The following HCK variants were observed in gnomAD, a reference collection of about 807,000 sequenced individuals.
HCK encodes the protein tyrosine-protein kinase HCK.
A neutral mutation model predicts 70.4 loss-of-function variants in HCK; 40 were observed. The ratio of observed to expected loss-of-function variants is 0.57; its 90% CI spans 0.44 to 0.74. The LOEUF (loss-of-function observed/expected upper bound fraction) is 0.74, where lower values mean the gene tolerates loss of function less well. Ranked by LOEUF, HCK falls within the 30% of genes least tolerant of loss-of-function variation. HCK has a pLI of 0.00. For missense variants in HCK, 568 were observed against 697.2 expected, an observed-to-expected ratio of 0.81 and a Z score of 2.09; for synonymous variants, 245 against 263.2, an observed-to-expected ratio of 0.93 and a Z score of 0.67.
intron 7 of HCK, 29 bp downstream of exon 7, chr20:32,084,072 C>T (rs242607): frequency 0.26 from 420,394 of 1,605,188 alleles, 57,772 homozygotes; most frequent in African/African-American, 0.34. Context: ...GTGACATCCC[C>T]ACCACGATGG....
intron 5 of HCK, among the ~76,000 whole-genome samples, chr20:32,074,976 C>T (rs527429600): frequency 2.0e-5 from 3 of 152,260 alleles, no homozygotes; most frequent in Admixed American, 6.5e-5. Flanking sequence ...ACTAGCAAAA[C>T]GACCTGGTTT....
intron 3 of HCK, 88 bp from the exon 4 acceptor site, chr20:32,073,628 G>C: frequency 1.2e-6 from 1 of 842,722 alleles, no homozygotes; most frequent in Non-Finnish European, 2.0e-6. Flanking sequence ...CGATGGGTGC[G>C]GAGCTGTTCC....
chr20:32,086,814 C>A lies in HCK; in HGVS notation c.1015+7C>A. On this transcript the variant is annotated splice_region_variant and intron_variant, in intron 9 of 12. Coordinates refer to ENST00000375852, the MANE Select transcript of HCK (RefSeq NM_002110.5). The stretch of plus-strand genomic sequence containing the variant: ...ACGGAGTTCATGGCCAAAGGTGCTG[C>A]GTGCTGGGGCTGGGGGTGCAGGCTG... The A allele has an allele frequency of 1.3e-6, 2 of 1,565,664 alleles. No individual in the cohort carries two copies. The highest frequency in any genetic ancestry group is 1.8e-4 in the Middle Eastern group (1 of 5,698).
intron 1 of HCK, among the ~76,000 whole-genome samples, chr20:32,059,754 G>C (rs935348523): frequency 2.6e-5 from 4 of 151,964 alleles, no homozygotes; most frequent in African/African-American, 4.8e-5. Context: ...CGGCTCAAAC[G>C]ATCCTCCTGT....
At chr20:32,073,243 C>A in intron 2 of HCK, 76 bp from the exon 3 acceptor site, 1 of 1,257,866 alleles carries the variant, frequency 7.9e-7, no homozygotes, top group Non-Finnish European at 1.2e-6. Flanking sequence ...TCTTGGGTGT[C>A]CTTCTCAACA....
intron 10 of HCK, among the ~76,000 whole-genome samples, chr20:32,092,224 G>A (rs2045874706): frequency 6.6e-6 from 1 of 152,112 alleles, no homozygotes; most frequent in Non-Finnish European, 1.5e-5. Flanking sequence ...TTATTTAGAG[G>A]CAGCAGGATG....
Position 32,068,000 on chromosome 20 carries a change from T to A in HCK, c.63-3662T>A, listed in dbSNP as rs35305942. Among the ~76,000 whole-genome samples the A allele has an allele frequency of 9.3e-4, 141 of 152,292 alleles. 1 individual carries two copies. Among genetic ancestry groups the A allele is most frequent in the Admixed American group, 1.8e-3 (27 of 15,278 alleles). Reference sequence around the variant, plus strand: ...AGAAACCTGGATGTAAAAATTTTTTTAAAAATGAAAAATAGGCCAGGCGCA... The same window carrying A: ...AGAAACCTGGATGTAAAAATTTTTTAAAAAATGAAAAATAGGCCAGGCGCA... On this transcript the variant is annotated intron_variant, in intron 1 of 12. Transcript: ENST00000375852.
At chr20:32,072,792 G>C (rs1226903282) in intron 2 of HCK, among the ~76,000 whole-genome samples, 13 of 151,886 alleles carry the variant, frequency 8.6e-5, no homozygotes, top group African/African-American at 2.9e-4. Flanking sequence ...AGCATCCCCC[G>C]GTACATCCAA....
intron 1 of HCK, among the ~76,000 whole-genome samples, chr20:32,061,771 G>C (rs981696429): frequency 6.6e-6 from 1 of 152,146 alleles, no homozygotes; most frequent in African/African-American, 2.4e-5. Context: ...GAGGGCTCCA[G>C]TGGAATGATC....
At position 32,101,461 on chromosome 20, in the gene HCK, A is replaced by G. The variant is rs2046033883; in HGVS notation, c.1523A>G (p.Gln508Arg). 1 of 1,614,054 alleles carries G rather than the reference A, an allele frequency of 6.2e-7. No individual in the cohort carries two copies. Among genetic ancestry groups the G allele is most frequent in the Non-Finnish European group, 8.5e-7 (1 of 1,179,966 alleles). The change falls in exon 13 of 13, where the codon CAG becomes CGG. Residue 508 changes from glutamine to arginine, a missense_variant. Physicochemically the swap from Gln to Arg is conservative, Grantham distance 43 (BLOSUM62 1). Coordinates refer to ENST00000375852, the MANE Select transcript of HCK (RefSeq NM_002110.5). ...GAGCGGCCGACCTTCGAATACATCC[A>G]GAGTGTGCTGGATGACTTCTACACG...
chr20:32,078,027 T>TTTG (rs2045652346), intron 5 of HCK, among the ~76,000 whole-genome samples: 2 of 150,930 alleles, frequency 1.3e-5, no homozygotes, highest in East Asian at 3.9e-4. Flanking sequence ...AGTTGGTTTT[T>TTTG]TTTGTTTGTT....
At chr20:32,071,269 G>A (rs961034403) in intron 1 of HCK, among the ~76,000 whole-genome samples, 1 of 152,190 alleles carries the variant, frequency 6.6e-6, no homozygotes, top group Non-Finnish European at 1.5e-5. Flanking sequence ...GTGAGGTGCT[G>A]GTGGGGTGGA....
intron 6 of HCK, among the ~76,000 whole-genome samples, chr20:32,081,067 C>T (rs1011191354): frequency 6.6e-6 from 1 of 152,128 alleles, no homozygotes. Context: ...CCAGCCTGGG[C>T]AACAGAGCAA....
chr20:32,055,458 T>G (rs1200920742), intron 1 of HCK, among the ~76,000 whole-genome samples: 1 of 152,224 alleles, frequency 6.6e-6, no homozygotes, highest in Non-Finnish European at 1.5e-5. Flanking sequence ...TAAATTAACA[T>G]AATTAGTATA....
At chr20:32,094,735 A>AAGAGAGAG (rs1301197000) in intron 11 of HCK, among the ~76,000 whole-genome samples, 1 of 139,570 alleles carries the variant, frequency 7.2e-6, no homozygotes, top group Non-Finnish European at 1.6e-5. Flanking sequence ...GAAAGAAAGA[A>AAGAGAGAG]AGAAAGAAAG....
At chr20:32,093,241 G>A (rs116647719) in intron 10 of HCK, among the ~76,000 whole-genome samples, 1,710 of 152,198 alleles carry the variant, frequency 0.011, 42 homozygotes, top group African/African-American at 0.038. Flanking sequence ...CACCATGCCC[G>A]GCCTGTTTTA....
At chr20:32,069,631 A>G (rs1338924614) in intron 1 of HCK, 5 of 446,860 alleles carry the variant, frequency 1.1e-5, no homozygotes, top group East Asian at 1.4e-4. Flanking sequence ...TAATTTTTCA[A>G]ATTAATGATC....
At chr20:32,077,685 C>T (rs1034688588) in intron 5 of HCK, among the ~76,000 whole-genome samples, 1 of 152,090 alleles carries the variant, frequency 6.6e-6, no homozygotes, top group Non-Finnish European at 1.5e-5. Context: ...CGCCACCATA[C>T]CTAGCTAATT....
In HCK at chr20:32,071,734, C is replaced by T. The variant is rs34774796; in HGVS notation, c.135C>T (p.Ser45=). 26,404 of 1,613,998 alleles carry T rather than the reference C, an allele frequency of 0.016. 1,535 individuals are homozygous for T. In the African/African-American group the frequency reaches 0.19, roughly 12 times the overall value. The change falls in exon 2 of 13, where the codon AGC becomes AGT. Residue 45 remains serine, a synonymous_variant. Transcript: ENST00000375852. ...TCTCAAAAACTGAAACCAGCGCCAGCCCACACTGTCCTGTGTACGTGCCGG... is the reference window on the plus strand; with the variant it reads ...TCTCAAAAACTGAAACCAGCGCCAGTCCACACTGTCCTGTGTACGTGCCGG...
Sources: allele counts gnomAD v4.1 joint callset (sites outside exome capture counted in the v4.1 genomes callset), GRCh38; gene constraint gnomAD v4.1.1; transcripts MANE v1.5; gene names NCBI Gene and HGNC (gene_info 2026-07-23, HGNC 2026-07-21).